The following RPS6KC1 variants were observed in gnomAD, a reference collection of about 807,000 sequenced individuals.
RPS6KC1 encodes the protein inactive ribosomal protein S6 kinase delta-1.
A neutral mutation model predicts 103.8 loss-of-function variants in RPS6KC1; 54 were observed. The ratio of observed to expected loss-of-function variants is 0.52; its 90% CI spans 0.42 to 0.65. RPS6KC1 has a LOEUF of 0.65. Ranked by LOEUF, RPS6KC1 falls within the 30% of genes least tolerant of loss-of-function variation. The pLI is 0.00. For missense variants in RPS6KC1, 1,151 were observed against 1,253.8 expected, an observed-to-expected ratio of 0.92 and a Z score of 1.24; for synonymous variants, 439 against 438.7, an observed-to-expected ratio of 1.00 and a Z score of -0.01.
the RPS6KC1 span, among the ~76,000 whole-genome samples, chr1:213,656,513 T>C: frequency 6.6e-6 from 1 of 152,228 alleles, no homozygotes; most frequent in Non-Finnish European, 1.5e-5. Context: ...GGTAGGACCC[T>C]TAATGATAGA....
chr1:213,558,031 A>G, the RPS6KC1 span, among the ~76,000 whole-genome samples: 1 of 152,174 alleles, frequency 6.6e-6, no homozygotes, highest in African/African-American at 2.4e-5. Context: ...GCCTATCTAC[A>G]TCCTTCCATG....
the RPS6KC1 span, among the ~76,000 whole-genome samples, chr1:213,702,545 C>T: frequency 4.0e-5 from 6 of 151,652 alleles, no homozygotes; most frequent in Non-Finnish European, 8.9e-5. Context: ...TGTTTTGGGG[C>T]CTCTCTCTTT....
the RPS6KC1 span, among the ~76,000 whole-genome samples, chr1:213,542,518 G>T: frequency 6.6e-6 from 1 of 152,266 alleles, no homozygotes; most frequent in African/African-American, 2.4e-5. Context: ...CTCTCTCAGT[G>T]TATGCTGCTC....
At chr1:213,149,752 C>T (rs950177952) in intron 6 of RPS6KC1, among the ~76,000 whole-genome samples, 3 of 152,122 alleles carry the variant, frequency 2.0e-5, no homozygotes, top group Admixed American at 2.0e-4. Context: ...GGTGAAGTCT[C>T]CAGCTATTAT....
the RPS6KC1 span, among the ~76,000 whole-genome samples, chr1:213,379,094 C>T: frequency 6.6e-6 from 1 of 152,280 alleles, no homozygotes; most frequent in East Asian, 1.9e-4. Flanking sequence ...AGACCCTTGA[C>T]CTTTCTGAGC....
chr1:213,425,664 T>C, the RPS6KC1 span, among the ~76,000 whole-genome samples: 2 of 152,228 alleles, frequency 1.3e-5, no homozygotes, highest in Non-Finnish European at 2.9e-5. Flanking sequence ...TCCACCACAA[T>C]GAGAGGAGGC....
chr1:213,445,606 G>A, the RPS6KC1 span, among the ~76,000 whole-genome samples: 1 of 152,200 alleles, frequency 6.6e-6, no homozygotes, highest in Non-Finnish European at 1.5e-5. Context: ...GGTCAAGCTG[G>A]CTGCATCTCT....
At chr1:213,151,202 G>A (rs2088789312) in intron 6 of RPS6KC1, among the ~76,000 whole-genome samples, 2 of 140,122 alleles carry the variant, frequency 1.4e-5, no homozygotes, top group African/African-American at 5.3e-5. Context: ...GGATGGGGCG[G>A]CTGGCCAGGC....
chr1:213,621,995 C>T, the RPS6KC1 span, among the ~76,000 whole-genome samples: 1 of 152,168 alleles, frequency 6.6e-6, no homozygotes, highest in Non-Finnish European at 1.5e-5. Flanking sequence ...CCTTCCTCTG[C>T]CCCTCCAAGC....
the RPS6KC1 span, among the ~76,000 whole-genome samples, chr1:213,560,052 T>C: frequency 6.6e-6 from 1 of 152,220 alleles, no homozygotes; most frequent in Admixed American, 6.5e-5. Context: ...TTATTACTCA[T>C]GACACAGCAA....
At chr1:213,699,693 A>T in the RPS6KC1 span, among the ~76,000 whole-genome samples, 2 of 152,116 alleles carry the variant, frequency 1.3e-5, no homozygotes, top group Non-Finnish European at 2.9e-5. Flanking sequence ...TTTTCTTCAC[A>T]TCCTTGCCAG....
intron 8 of RPS6KC1, among the ~76,000 whole-genome samples, chr1:213,202,662 GAC>G (rs2093207990): frequency 6.6e-6 from 1 of 151,888 alleles, no homozygotes; most frequent in African/African-American, 2.4e-5. Flanking sequence ...AACCAAAAAA[GAC>G]ATCAGTCAAA....
the RPS6KC1 span, among the ~76,000 whole-genome samples, chr1:213,429,946 G>C: frequency 1.8e-4 from 28 of 152,254 alleles, no homozygotes; most frequent in African/African-American, 2.6e-4. Flanking sequence ...TACTGAAATT[G>C]GAGTTCAACA....
At chr1:213,726,627 C>T in the RPS6KC1 span, among the ~76,000 whole-genome samples, 1 of 152,220 alleles carries the variant, frequency 6.6e-6, no homozygotes, top group Non-Finnish European at 1.5e-5. Context: ...TCTAAGAATA[C>T]TGCAACCTTT....
the RPS6KC1 span, among the ~76,000 whole-genome samples, chr1:213,377,471 T>G: frequency 3.3e-5 from 5 of 152,236 alleles, no homozygotes; most frequent in Non-Finnish European, 7.3e-5. Context: ...GTGCAGAATG[T>G]CCTTTGTCAT....
the RPS6KC1 span, among the ~76,000 whole-genome samples, chr1:213,297,716 TCCTC>T: frequency 1.3e-5 from 2 of 152,052 alleles, no homozygotes; most frequent in African/African-American, 4.8e-5. Context: ...GCTCAAGTGA[TCCTC>T]CCTCCTGGGC....
the RPS6KC1 span, among the ~76,000 whole-genome samples, chr1:213,622,123 C>T: frequency 3.9e-5 from 6 of 151,972 alleles, no homozygotes; most frequent in East Asian, 3.8e-4. Context: ...GTGTACCTGA[C>T]GAAATACTTG....
At chr1:213,596,598 GCTCCTGGTTTGAGCCCACCA>G in the RPS6KC1 span, among the ~76,000 whole-genome samples, 199 of 152,332 alleles carry the variant, frequency 1.3e-3, no homozygotes, top group African/African-American at 4.5e-3. Flanking sequence ...CAGTAAGTGG[GCTCCTGGTTTGAGCCCACCA>G]CTCCTGGTTT....
the RPS6KC1 span, among the ~76,000 whole-genome samples, chr1:213,544,616 A>G: frequency 6.6e-6 from 1 of 152,034 alleles, no homozygotes; most frequent in African/African-American, 2.4e-5. Context: ...CTTGCACACC[A>G]TGTTTTTCAC....
Sources: gnomAD v4.1 joint callset for allele counts (sites outside exome capture counted in the v4.1 genomes callset) on GRCh38, gnomAD v4.1.1 for gene constraint, MANE v1.5 for transcripts, NCBI Gene and HGNC (gene_info 2026-07-23, HGNC 2026-07-21) for gene names.